PRDM6: variants seen among roughly 807,000 people sequenced by gnomAD.
PRDM6 encodes the protein putative histone-lysine N-methyltransferase PRDM6.
Under a neutral mutation model 60.8 loss-of-function variants are expected in PRDM6, and 25 were observed. The ratio of observed to expected loss-of-function variants is 0.41; its 90% CI spans 0.30 to 0.57. The LOEUF (loss-of-function observed/expected upper bound fraction) is 0.57, where lower values mean the gene tolerates loss of function less well. PRDM6 is among the 20% of genes least tolerant of loss of function. PRDM6 has a pLI of 0.27. For synonymous variants in PRDM6, 407 were observed against 357.4 expected (o/e 1.14, Z -1.57); for missense variants, 839 against 821.3 (o/e 1.02, Z -0.26).
At chr5:123,147,309 A>AGAGAGAGAGAG (rs1561853207) in intron 3 of PRDM6, among the ~76,000 whole-genome samples, 1 of 125,238 alleles carries the variant, frequency 8.0e-6, no homozygotes, top group African/African-American at 3.1e-5. Context: ...GAGAGAGAGA[A>AGAGAGAGAGAG]AACGAACAAG....
intron 3 of PRDM6, among the ~76,000 whole-genome samples, chr5:123,144,996 A>G (rs1765206866): frequency 6.6e-6 from 1 of 152,182 alleles, no homozygotes; most frequent in Admixed American, 6.5e-5. Flanking sequence ...GACATTCCCA[A>G]CACAAGGCAC....
intron 3 of PRDM6, among the ~76,000 whole-genome samples, chr5:123,103,870 G>A (rs1398539612): frequency 6.6e-6 from 1 of 151,992 alleles, no homozygotes; most frequent in African/African-American, 2.4e-5. Flanking sequence ...AAAATAAATT[G>A]CACTTATTTT....
chr5:123,177,902 G>A (rs548292822), intron 6 of PRDM6, among the ~76,000 whole-genome samples: 8 of 152,244 alleles, frequency 5.3e-5, no homozygotes, highest in East Asian at 1.9e-4. Context: ...TATCTCTCCC[G>A]TTCTAGCCCC....
chr5:123,089,988 C>T lies in PRDM6; in HGVS notation c.-15-12C>T, dbSNP rs1234466262. The T allele has an allele frequency of 1.3e-6, 2 of 1,533,658 alleles. No homozygotes were observed. Among genetic ancestry groups the T allele is most frequent in the Non-Finnish European group, 8.8e-7 (1 of 1,135,716 alleles). ...GCTCACGCGCCCCCTCTTCCCTGCC[C>T]TCTGCCCCCAGTTCGAGGCGCCGGA... On this transcript the variant is annotated splice_polypyrimidine_tract_variant and intron_variant, in intron 1 of 7. Transcript: ENST00000407847.
intron 3 of PRDM6, among the ~76,000 whole-genome samples, chr5:123,153,568 T>C (rs1765421854): frequency 2.6e-5 from 4 of 152,192 alleles, no homozygotes; most frequent in Admixed American, 2.6e-4. Flanking sequence ...CCAAACCTCA[T>C]GCCATGTGCT....
chr5:123,168,179 C>T (rs1041775254), intron 5 of PRDM6, among the ~76,000 whole-genome samples: 10 of 151,954 alleles, frequency 6.6e-5, no homozygotes, highest in Non-Finnish European at 1.3e-4. Context: ...TCTTTTGCCC[C>T]AGAATTGAAA....
At chr5:123,101,554 T>C (rs1764104575) in intron 3 of PRDM6, among the ~76,000 whole-genome samples, 1 of 152,228 alleles carries the variant, frequency 6.6e-6, no homozygotes, top group Non-Finnish European at 1.5e-5. Context: ...TAGTTAAAGG[T>C]CTGCCAATAT....
At chr5:123,172,125 C>T (rs753338636) in intron 6 of PRDM6, among the ~76,000 whole-genome samples, 2 of 152,226 alleles carry the variant, frequency 1.3e-5, no homozygotes, top group African/African-American at 2.4e-5. Context: ...TGGCTCTCCT[C>T]GCCTAATAAT....
intron 2 of PRDM6, among the ~76,000 whole-genome samples, chr5:123,096,620 T>C (rs543441759): frequency 6.6e-6 from 1 of 152,358 alleles, no homozygotes; most frequent in African/African-American, 2.4e-5. Flanking sequence ...AGAAGACCCC[T>C]GTTGGGTGGA....
rs566532935 is a variant in PRDM6 at position 123,093,595 on chromosome 5, C to A, written c.592+2989C>A. The stretch of plus-strand genomic sequence containing the variant: ...GCTGTTGCTGCTGCTGCCGCCTTCT[C>A]TTAAAAATCAAGTGGTGCCTCCTGC... On this transcript the variant is annotated intron_variant, in intron 2 of 7. Transcript: ENST00000407847. 2.0e-5 allele frequency among the ~76,000 whole-genome samples: 3 copies of A among 152,332 alleles called. No individual in the cohort carries two copies. The South Asian group carries it at 6.2e-4, about 32-fold the overall frequency.
At chr5:123,089,582 C>T (rs1016069537) in intron 1 of PRDM6, 63 bp downstream of exon 1, 1 of 177,712 alleles carries the variant, frequency 5.6e-6, no homozygotes, top group East Asian at 1.7e-4. Flanking sequence ...GGTTGGTGGT[C>T]CTAGGTTGGG....
intron 5 of PRDM6, among the ~76,000 whole-genome samples, chr5:123,161,628 T>G (rs1426776694): frequency 6.6e-6 from 1 of 152,120 alleles, no homozygotes; most frequent in African/African-American, 2.4e-5. Context: ...GTTCCTGGCA[T>G]GTTGGAAGAG....
intron 3 of PRDM6, among the ~76,000 whole-genome samples, chr5:123,132,634 A>G (rs1561838821): frequency 6.6e-6 from 1 of 152,174 alleles, no homozygotes; most frequent in Admixed American, 6.5e-5. Flanking sequence ...CCCAGACTCA[A>G]AAAAGTGTGC....
chr5:123,171,536 A>C lies in PRDM6; in HGVS notation c.1496+428A>C, dbSNP rs188328551. 3.3e-5 allele frequency among the ~76,000 whole-genome samples: 5 copies of C among 152,280 alleles called. No individual in the cohort carries two copies. In the East Asian group the frequency reaches 9.6e-4, roughly 29 times the overall value. On this transcript the variant is annotated intron_variant, in intron 6 of 7. Transcript: ENST00000407847. Reference sequence around the variant, plus strand: ...CTTAATTAAGTACTAAGAGGTAATGAATTGGAATTTTTTGCTTAGTACTAT... The same window carrying C: ...CTTAATTAAGTACTAAGAGGTAATGCATTGGAATTTTTTGCTTAGTACTAT...
intron 4 of PRDM6, among the ~76,000 whole-genome samples, chr5:123,158,266 AG>A (rs1765552082): frequency 1.3e-5 from 2 of 152,192 alleles, no homozygotes; most frequent in African/African-American, 4.8e-5. Context: ...ATTTTTCTCA[AG>A]TTAGAAGATG....
intron 3 of PRDM6, among the ~76,000 whole-genome samples, chr5:123,108,085 C>T (rs466358): frequency 6.6e-6 from 1 of 152,058 alleles, no homozygotes; most frequent in African/African-American, 2.4e-5. Context: ...CCCAGTGCCT[C>T]TGTACATTTA....
At chr5:123,185,710 C>T (rs954661284) in intron 7 of PRDM6, among the ~76,000 whole-genome samples, 5 of 152,194 alleles carry the variant, frequency 3.3e-5, no homozygotes, top group African/African-American at 7.2e-5. Context: ...AATCCAAATG[C>T]GAAGTGAAGC....
At chr5:123,138,175 A>T (rs1166095162) in intron 3 of PRDM6, among the ~76,000 whole-genome samples, 1 of 152,186 alleles carries the variant, frequency 6.6e-6, no homozygotes, top group African/African-American at 2.4e-5. Flanking sequence ...TGTTCTAACG[A>T]CTTTAAAAAA....
intron 3 of PRDM6, among the ~76,000 whole-genome samples, chr5:123,146,343 A>G (rs1765239046): frequency 6.6e-6 from 1 of 152,226 alleles, no homozygotes; most frequent in Non-Finnish European, 1.5e-5. Flanking sequence ...TCAAGTGTGC[A>G]TCGCAGTGTG....
Sources: allele counts gnomAD v4.1 joint callset (sites outside exome capture counted in the v4.1 genomes callset), GRCh38; gene constraint gnomAD v4.1.1; transcripts MANE v1.5; gene names NCBI Gene and HGNC (gene_info 2026-07-23, HGNC 2026-07-21).